Variants in KIF9 observed in about 807,000 individuals in gnomAD.
The protein encoded by KIF9 is kinesin family member 9.
KIF9 carries 68 observed loss-of-function variants against 94.8 expected under a neutral mutation model. The observed-to-expected ratio is 0.72, with a 90% confidence interval of 0.59 to 0.88. The LOEUF is 0.88. Among genes scored for constraint, KIF9 ranks in the 40% least tolerant of loss-of-function variants. The probability of loss-of-function intolerance (pLI) is 0.00; values close to 1 mark genes in which losing one functional copy is unlikely to be tolerated. For missense variants in KIF9, 882 were observed against 982.5 expected (o/e 0.90, Z 1.37); for synonymous variants, 343 against 362.1 (o/e 0.95, Z 0.60).
In KIF9 at chr3:47,273,614, T is replaced by G; in HGVS notation, c.304A>C (p.Thr102Pro). ...TAATTCTCAGTTGCCCCCATCATGGTGTATGTCTTGCCAGCTCCCGTCTGC... is the reference window on the plus strand; with the variant it reads ...TAATTCTCAGTTGCCCCCATCATGGGGTATGTCTTGCCAGCTCCCGTCTGC... ...YGQTGAGKTYTMMGATENYKH... is the reference protein window; with the variant it reads ...YGQTGAGKTYPMMGATENYKH... The change falls in exon 4 of 21, where the codon ACC (threonine) becomes CCC (proline). Residue 102 changes from threonine (T) to proline (P), a missense_variant. Coordinates refer to ENST00000684063, the MANE Select transcript of KIF9 (RefSeq NM_182902.4). 5 of 1,614,084 alleles carry G rather than the reference T, an allele frequency of 3.1e-6. No individual in the cohort carries two copies. Among genetic ancestry groups the G allele is most frequent in the Non-Finnish European group, 4.2e-6 (5 of 1,179,976 alleles).
chr3:47,280,357 G>T (rs1244364817), intron 1 of KIF9, among the ~76,000 whole-genome samples: 1 of 152,170 alleles, frequency 6.6e-6, no homozygotes, highest in Non-Finnish European at 1.5e-5. Flanking sequence ...CTGGGAGCAG[G>T]TGCCCAGGCC....
rs987488454 is a variant in KIF9, at chr3:47,282,539, G to C, written c.-50C>G. ...CTCCCGGGACGCGACTGCCGCAACC[G>C]AAACCACCTGCACTCCCCACGCGGG... On this transcript the variant is annotated 5_prime_UTR_variant, in exon 1 of 21. Coordinates refer to ENST00000684063, the MANE Select transcript of KIF9 (RefSeq NM_182902.4). 1.0e-6 allele frequency: 1 copy of C among 998,770 alleles called. No individual in the cohort carries two copies. Among genetic ancestry groups the C allele is most frequent in the African/African-American group, 1.7e-5 (1 of 57,450 alleles). 61.9% of individuals were successfully genotyped at this position (998,770 alleles called of 1,614,324 possible).
At chr3:47,256,127 C>A (rs1428061955) in intron 10 of KIF9, among the ~76,000 whole-genome samples, 1 of 152,250 alleles carries the variant, frequency 6.6e-6, no homozygotes, top group Non-Finnish European at 1.5e-5. Flanking sequence ...CACCTCCCAG[C>A]CGCCTGCCTT....
intron 14 of KIF9, 35 bp downstream of exon 14, chr3:47,245,386 G>A (rs1053115511): frequency 6.7e-7 from 1 of 1,495,890 alleles, no homozygotes; most frequent in African/African-American, 1.4e-5. Context: ...GGAAATCTGA[G>A]GTGAGTGCTG....
At position 47,228,666 on chromosome 3, in the gene KIF9, C is replaced by T. The variant is rs755234609; in HGVS notation, c.2359G>A (p.Ala787Thr). The change falls in exon 21 of 21, where the codon GCA (alanine) becomes ACA (threonine). Residue 787 changes from alanine (A) to threonine (T), a missense_variant. Coordinates refer to ENST00000684063, the MANE Select transcript of KIF9 (RefSeq NM_182902.4). ...GCGATGAGGTTCTATTTTCTATGTG[C>T]CTGCTGGAGGCCCATCATGGTTTTC... ...YLKTMMGLQQ[A>T]HRK 3.7e-6 allele frequency: 6 copies of T among 1,613,846 alleles called. No homozygotes were observed. The highest frequency in any genetic ancestry group is 2.2e-5 in the East Asian group (1 of 44,866).
At chr3:47,254,728 C>T (rs1322035914) in intron 10 of KIF9, among the ~76,000 whole-genome samples, 1 of 152,050 alleles carries the variant, frequency 6.6e-6, no homozygotes, top group African/African-American at 2.4e-5. Flanking sequence ...AACTAGGATG[C>T]CAGTGGTTCT....
chr3:47,254,102 T>A (rs1430831317), intron 10 of KIF9, among the ~76,000 whole-genome samples: 1 of 152,234 alleles, frequency 6.6e-6, no homozygotes, highest in East Asian at 1.9e-4. Context: ...TCACAAGATC[T>A]CTTTGAGCAT....
In KIF9 at chr3:47,236,554, T is replaced by C; in HGVS notation, c.1990A>G (p.Lys664Glu). The C allele has an allele frequency of 6.2e-7, 1 of 1,614,130 alleles. No individual in the cohort carries two copies. The highest frequency in any genetic ancestry group is 8.5e-7 in the Non-Finnish European group (1 of 1,180,026). The stretch of plus-strand genomic sequence containing the variant: ...CTGCGGTACTGCTTCTTGAGGTCTT[T>C]GAGCTTGAGGATCAGCAGGAATTCT... ...EEEFLLILKLKDLKKQYRSEY... is the reference protein window; with the variant it reads ...EEEFLLILKLEDLKKQYRSEY... Residue 664 changes from lysine (K) to glutamate (E), a missense_variant, in exon 18 of 21, where the codon AAA becomes GAA. Coordinates refer to ENST00000684063, the MANE Select transcript of KIF9 (RefSeq NM_182902.4).
intron 10 of KIF9, among the ~76,000 whole-genome samples, chr3:47,248,381 C>T (rs920801210): frequency 5.3e-5 from 8 of 152,130 alleles, no homozygotes; most frequent in African/African-American, 1.7e-4. Context: ...TCCCAGGGGC[C>T]CCAGGCTCCT....
At chr3:47,281,357 T>C (rs1702335483) in intron 1 of KIF9, among the ~76,000 whole-genome samples, 1 of 152,144 alleles carries the variant, frequency 6.6e-6, no homozygotes, top group South Asian at 2.1e-4. Flanking sequence ...TTTTTGTTTA[T>C]TTGTTTTTGT....
chr3:47,240,387 G>A (rs1190816379), intron 17 of KIF9, among the ~76,000 whole-genome samples: 1 of 152,136 alleles, frequency 6.6e-6, no homozygotes, highest in Admixed American at 6.5e-5. Flanking sequence ...GTTTTTCATA[G>A]TCCCTACCAG....
chr3:47,230,386 T>C (rs1254341755), intron 20 of KIF9, among the ~76,000 whole-genome samples: 2 of 151,918 alleles, frequency 1.3e-5, no homozygotes, highest in African/African-American at 4.8e-5. Context: ...AAGACCAGCC[T>C]GAGCAACATA....
intron 10 of KIF9, chr3:47,250,686 CT>C (rs1398673096): frequency 6.4e-6 from 2 of 313,106 alleles, no homozygotes; most frequent in Non-Finnish European, 1.4e-5. Context: ...GATATACCAT[CT>C]GAGTGTCTTC....
At chr3:47,233,352 ACT>A (rs1352215248) in intron 20 of KIF9, among the ~76,000 whole-genome samples, 1 of 129,316 alleles carries the variant, frequency 7.7e-6, no homozygotes, top group East Asian at 2.2e-4. Context: ...ACAGAGTGAG[ACT>A]CTGTCTCAAA....
rs565362818 is a variant in KIF9 at position 47,264,291 on chromosome 3, C to T, written c.976G>A (p.Glu326Lys). ...CACTGACTGTCTTTACATACCGTTT[C>T]TTCTAACTGGGCAGCTTCTCCATAG... is the stretch of plus-strand genomic sequence containing the variant. ...NIYGEAAQLE[E>K]TLSSLRFASR... The change falls in exon 9 of 21, where the codon GAA becomes AAA. Residue 326 changes from glutamate (E) to lysine (K), a missense_variant. By Grantham distance (56) the Glu-to-Lys change is moderately conservative. Coordinates refer to ENST00000684063, the MANE Select transcript of KIF9 (RefSeq NM_182902.4). The T allele has an allele frequency of 6.2e-7, 1 of 1,612,762 alleles. No homozygotes were observed.
intron 20 of KIF9, among the ~76,000 whole-genome samples, chr3:47,233,361 CAAAAAAAAAA>C (rs966425803): frequency 3.8e-5 from 1 of 26,314 alleles, no homozygotes; most frequent in African/African-American, 1.4e-4. Context: ...GACTCTGTCT[CAAAAAAAAAA>C]AAAAAAAAAA....
At chr3:47,251,007 G>A (rs1559440775) in intron 10 of KIF9, among the ~76,000 whole-genome samples, 1 of 152,218 alleles carries the variant, frequency 6.6e-6, no homozygotes, top group Non-Finnish European at 1.5e-5. Flanking sequence ...TGGGACCCAA[G>A]GCATGTGACC....
chr3:47,267,149 C>A (rs758644664), intron 6 of KIF9, 31 bp downstream of exon 6: 2 of 1,603,014 alleles, frequency 1.2e-6, no homozygotes, highest in East Asian at 2.2e-5. Flanking sequence ...TTGACTGCCC[C>A]GCCTGGGCTG....
Position 47,243,153 on chromosome 3 carries a change from G to A in KIF9, c.1607C>T (p.Ser536Phe), listed in dbSNP as rs1255046106. 3.1e-6 allele frequency: 5 copies of A among 1,613,832 alleles called. No individual in the cohort carries two copies. Among genetic ancestry groups the A allele is most frequent in the African/African-American group, 2.7e-5 (2 of 74,922 alleles). The change falls in exon 16 of 21, where the codon TCC (serine) becomes TTC (phenylalanine). Residue 536 changes from serine to phenylalanine, a missense_variant. Transcript: ENST00000684063. ...CATGTCTTTGACATCCCCATCTTTGGAGGATGGGACCAGCTGGGTCTTGGA... is the reference window on the plus strand; with the variant it reads ...CATGTCTTTGACATCCCCATCTTTGAAGGATGGGACCAGCTGGGTCTTGGA... ...STSKTQLVPS[S>F]KDGDVKDMLS...
Sources: allele counts gnomAD v4.1 joint callset (sites outside exome capture counted in the v4.1 genomes callset), GRCh38; gene constraint gnomAD v4.1.1; transcripts MANE v1.5; gene names NCBI Gene and HGNC (gene_info 2026-07-23, HGNC 2026-07-21).